Variants in METAP1D observed in about 807,000 individuals in gnomAD.
The protein encoded by METAP1D is methionine aminopeptidase 1D, mitochondrial.
A neutral mutation model predicts 40.5 loss-of-function variants in METAP1D; 31 were observed. That is an observed-to-expected ratio of 0.77 (90% CI 0.58 to 1.03). The LOEUF is 1.03. Ranked by LOEUF, METAP1D falls within the 50% of genes least tolerant of loss-of-function variation. The pLI is 0.00. For missense variants in METAP1D, 411 were observed against 420.7 expected (o/e 0.98, Z 0.20); for synonymous variants, 151 against 146.4 (o/e 1.03, Z -0.22).
intron 1 of METAP1D, among the ~76,000 whole-genome samples, chr2:172,024,420 A>ATGG (rs1689077088): frequency 6.6e-6 from 1 of 152,136 alleles, no homozygotes; most frequent in African/African-American, 2.4e-5. Flanking sequence ...ACCATTACCA[A>ATGG]GCATGGAGGC....
rs925584744 is a variant in METAP1D at position 172,023,462 on chromosome 2, A to G, written c.40+23453A>G. On this transcript the variant is annotated intron_variant, in intron 1 of 9. Coordinates refer to ENST00000315796, the MANE Select transcript of METAP1D (RefSeq NM_199227.3). The stretch of plus-strand genomic sequence containing the variant: ...TGGAAGCATCAGGCCACATATTTTT[A>G]TAAGTACTGGGTGAGGGCAAAGATT... Among the ~76,000 whole-genome samples, 7 of 152,348 alleles carry G rather than the reference A, an allele frequency of 4.6e-5. No homozygotes were observed. The East Asian group carries it at 7.7e-4, about 17-fold the overall frequency.
chr2:172,066,766 C>G (rs1402361061), intron 5 of METAP1D, among the ~76,000 whole-genome samples: 1 of 152,188 alleles, frequency 6.6e-6, no homozygotes, highest in Non-Finnish European at 1.5e-5. Context: ...TTATCTTACT[C>G]TGTCATTAGG....
chr2:172,016,275 CAAAAAA>C lies in METAP1D; in HGVS notation c.40+16287_40+16292del, dbSNP rs1172458646. Among the ~76,000 whole-genome samples, 14 of 9,720 alleles carry C rather than the reference CAAAAAA, an allele frequency of 1.4e-3. No individual in the cohort carries two copies. The South Asian group carries it at 0.02, about 14-fold the overall frequency. 6.4% of individuals were successfully genotyped at this position (9,720 alleles called of 152,430 possible). A position where few individuals can be genotyped will look rare whatever the true frequency, so the allele number is the denominator to read the frequency against. On this transcript the variant is annotated intron_variant, in intron 1 of 9. Coordinates refer to ENST00000315796, the MANE Select transcript of METAP1D (RefSeq NM_199227.3). ...TGGGTGACAGAGTGAGACCCTGTCT[CAAAAAA>C]AAAAAAAAAAAAAAAAAAAATATAT...
At position 172,019,467 on chromosome 2, in the gene METAP1D, G is replaced by C. The variant is rs1822495; in HGVS notation, c.40+19458G>C. ...ATGGTGGCTCATGCCTGTAATTCCA[G>C]TACTTTGGGAGGTGGAGGCGGGAGG... On this transcript the variant is annotated intron_variant, in intron 1 of 9. Coordinates refer to ENST00000315796, the MANE Select transcript of METAP1D (RefSeq NM_199227.3). Among the ~76,000 whole-genome samples the C allele has an allele frequency of 5.2e-3, 793 of 152,128 alleles. 8 individuals carry two copies. The highest frequency in any genetic ancestry group is 0.017 in the African/African-American group (685 of 41,500).
At chr2:172,068,633 CCT>C in intron 5 of METAP1D, among the ~76,000 whole-genome samples, 1 of 151,736 alleles carries the variant, frequency 6.6e-6, no homozygotes, top group Admixed American at 6.6e-5. Context: ...CCTGCCTCAG[CCT>C]CCCCAGTAAC....
chr2:172,081,684 G>A lies in METAP1D; in HGVS notation c.*1278G>A, dbSNP rs2105511587. 1 of 152,386 alleles carries A rather than the reference G, an allele frequency of 6.6e-6. No individual in the cohort carries two copies. The highest frequency in any genetic ancestry group is 1.9e-4 in the East Asian group (1 of 5,190). The allele number at this position is 152,386 out of a possible 1,614,324, so 9.4% of individuals were successfully genotyped here. On this transcript the variant is annotated 3_prime_UTR_variant, in exon 10 of 10. Coordinates refer to ENST00000315796, the MANE Select transcript of METAP1D (RefSeq NM_199227.3). ...TGATTTTAGGAACAAGTCCAACGAGGGTGTTCAAGCAGTTAATGGTTGTGC... is the reference window on the plus strand; with the variant it reads ...TGATTTTAGGAACAAGTCCAACGAGAGTGTTCAAGCAGTTAATGGTTGTGC...
Position 171,999,968 on chromosome 2 carries a change from A to T in METAP1D, c.-2A>T, listed in dbSNP as rs1289524767. On this transcript the variant is annotated 5_prime_UTR_variant, in exon 1 of 10. Transcript: ENST00000315796. Reference sequence around the variant, plus strand: ...GCTCGCGGCCACGTGACCGACGCCAACATGGCGGCGCCCAGTGGCGTCCAC... The same window carrying T: ...GCTCGCGGCCACGTGACCGACGCCATCATGGCGGCGCCCAGTGGCGTCCAC... The T allele has an allele frequency of 7.3e-7, 1 of 1,366,366 alleles. No homozygotes were observed. The highest frequency in any genetic ancestry group is 3.5e-5 in the Admixed American group (1 of 28,276). 84.6% of individuals were successfully genotyped at this position (1,366,366 alleles called of 1,614,324 possible).
intron 1 of METAP1D, 23 bp downstream of exon 1, chr2:172,000,032 C>T: frequency 1.5e-6 from 2 of 1,303,702 alleles, no homozygotes; most frequent in Non-Finnish European, 2.0e-6. Flanking sequence ...AGGAGAGCCC[C>T]GTGAGGGTTC....
At chr2:172,016,855 C>T (rs555071380) in intron 1 of METAP1D, among the ~76,000 whole-genome samples, 1 of 151,988 alleles carries the variant, frequency 6.6e-6, no homozygotes, top group East Asian at 1.9e-4. Context: ...GCCCTTTCCT[C>T]CTTGGGATCT....
chr2:172,073,852 G>T (rs1473044253), intron 6 of METAP1D, among the ~76,000 whole-genome samples: 1 of 152,118 alleles, frequency 6.6e-6, no homozygotes, highest in Non-Finnish European at 1.5e-5. Context: ...CATCTTTTGC[G>T]TAGCCTCTCT....
chr2:172,036,655 G>C (rs576651383), intron 1 of METAP1D, among the ~76,000 whole-genome samples: 1 of 151,798 alleles, frequency 6.6e-6, no homozygotes, highest in African/African-American at 2.4e-5. Context: ...GTGAGCCACC[G>C]CACCCGGCCC....
rs563184392 is a variant in METAP1D at position 172,078,528 on chromosome 2, C to T, written c.802+634C>T. Among the ~76,000 whole-genome samples the T allele has an allele frequency of 2.4e-4, 36 of 152,248 alleles. No individual in the cohort carries two copies. In the South Asian group the frequency reaches 7.5e-3, roughly 32 times the overall value. On this transcript the variant is annotated intron_variant, in intron 7 of 9. Transcript: ENST00000315796. ...CCCTCAAGGCAGGTCCACACCTGGACGGGGATCAAAGGAAAGTTGGTCCTG... is the reference window on the plus strand; with the variant it reads ...CCCTCAAGGCAGGTCCACACCTGGATGGGGATCAAAGGAAAGTTGGTCCTG...
chr2:172,009,219 T>G (rs1452285522), intron 1 of METAP1D, among the ~76,000 whole-genome samples: 1 of 152,018 alleles, frequency 6.6e-6, no homozygotes, highest in African/African-American at 2.4e-5. Context: ...TTTTTTTGTA[T>G]TTTTTAGTAG....
At chr2:172,079,375 A>G in intron 8 of METAP1D, 113 bp downstream of exon 8, 2 of 923,910 alleles carry the variant, frequency 2.2e-6, no homozygotes, top group South Asian at 2.7e-5. Flanking sequence ...GTGTAATGAA[A>G]TAATTCGGAT....
rs140486450 is a variant in METAP1D, at chr2:172,064,987, T to C, written c.349-617T>C. On this transcript the variant is annotated intron_variant, in intron 3 of 9. Transcript: ENST00000315796. ...TTCTTTTAGTTTGGGAGCAATTTAGTTTGGAATACCTTTAGTAAGGAAAAA... is the reference window on the plus strand; with the variant it reads ...TTCTTTTAGTTTGGGAGCAATTTAGCTTGGAATACCTTTAGTAAGGAAAAA... Among the ~76,000 whole-genome samples, 669 of 152,306 alleles carry C rather than the reference T, an allele frequency of 4.4e-3. 9 individuals are homozygous for C. Among genetic ancestry groups the C allele is most frequent in the African/African-American group, 0.015 (629 of 41,554 alleles).
intron 1 of METAP1D, among the ~76,000 whole-genome samples, chr2:172,042,160 T>C (rs1044049862): frequency 0.017 from 1,783 of 105,996 alleles, 448 homozygotes; most frequent in Non-Finnish European, 0.022. Context: ...TATGTGTACA[T>C]GTGTACACAT....
chr2:172,019,659 TC>T (rs1039282374), intron 1 of METAP1D, among the ~76,000 whole-genome samples: 3 of 152,126 alleles, frequency 2.0e-5, no homozygotes, highest in African/African-American at 7.2e-5. Context: ...AGCGGCCTCT[TC>T]CGTCAAGCCT....
At chr2:172,045,844 T>C (rs1463990586) in intron 1 of METAP1D, among the ~76,000 whole-genome samples, 16 of 106,526 alleles carry the variant, frequency 1.5e-4, no homozygotes, top group African/African-American at 6.1e-4. Flanking sequence ...TATATATATA[T>C]ATATATATAT....
chr2:172,016,094 CA>C (rs769072690), intron 1 of METAP1D, among the ~76,000 whole-genome samples: 239 of 104,564 alleles, frequency 2.3e-3, no homozygotes, highest in East Asian at 8.7e-3. Flanking sequence ...CCGTCTCTAT[CA>C]AAAAAAAAAA....
Sources: gnomAD v4.1 joint callset for allele counts (sites outside exome capture counted in the v4.1 genomes callset) on GRCh38, gnomAD v4.1.1 for gene constraint, MANE v1.5 for transcripts, NCBI Gene and HGNC (gene_info 2026-07-23, HGNC 2026-07-21) for gene names.